Variants in CCSER1 observed in about 807,000 individuals in gnomAD.
The protein encoded by CCSER1 is serine-rich coiled-coil domain-containing protein 1.
A neutral mutation model predicts 82.0 loss-of-function variants in CCSER1; 41 were observed. The ratio of observed to expected loss-of-function variants is 0.50; its 90% CI spans 0.39 to 0.65. The LOEUF (loss-of-function observed/expected upper bound fraction) is 0.65. CCSER1 is among the 30% of genes least tolerant of loss of function. CCSER1 has a pLI of 0.00. For synonymous variants in CCSER1, 414 were observed against 383.9 expected (o/e 1.08, Z -0.92); for missense variants, 1,119 against 1,064.2 (o/e 1.05, Z -0.72).
intron 10 of CCSER1, among the ~76,000 whole-genome samples, chr4:91,165,644 C>T (rs1186739272): frequency 6.6e-6 from 1 of 152,226 alleles, no homozygotes; most frequent in Non-Finnish European, 1.5e-5. Flanking sequence ...ATGGCAGACG[C>T]CCCTCCCCCT....
rs141825960 is a variant in CCSER1 at position 91,295,783 on chromosome 4, G to A, written c.2217+209789G>A. Among the ~76,000 whole-genome samples, 10 of 151,832 alleles carry A rather than the reference G, an allele frequency of 6.6e-5. No homozygotes were observed. The East Asian group carries it at 2.0e-3, about 30-fold the overall frequency. On this transcript the variant is annotated intron_variant, in intron 10 of 10. Coordinates refer to ENST00000509176, the MANE Select transcript of CCSER1 (RefSeq NM_001145065.2). ...ATCACAGTTTTCCTATTTGCTCTTT[G>A]GTGTTACGCATCATACCATGAATCA...
At chr4:90,650,698 C>T (rs1024180354) in intron 6 of CCSER1, among the ~76,000 whole-genome samples, 3 of 152,124 alleles carry the variant, frequency 2.0e-5, no homozygotes, top group African/African-American at 7.2e-5. Flanking sequence ...ATTTTTTACA[C>T]CATCATTTTA....
intron 10 of CCSER1, among the ~76,000 whole-genome samples, chr4:91,418,970 A>C (rs1053354083): frequency 6.6e-6 from 1 of 152,038 alleles, no homozygotes; most frequent in African/African-American, 2.4e-5. Flanking sequence ...AATATATCAC[A>C]TTTACAATAT....
At chr4:90,747,117 AAAAAG>A (rs1242620944) in intron 7 of CCSER1, among the ~76,000 whole-genome samples, 1 of 152,158 alleles carries the variant, frequency 6.6e-6, no homozygotes, top group Admixed American at 6.5e-5. Flanking sequence ...CAGAAAATAA[AAAAAG>A]AAAAGAAAAG....
intron 9 of CCSER1, among the ~76,000 whole-genome samples, chr4:90,956,155 A>G (rs1182092284): frequency 2.0e-5 from 3 of 152,188 alleles, no homozygotes; most frequent in African/African-American, 7.2e-5. Context: ...AAAAACGTGT[A>G]TTGATATTGC....
chr4:90,430,116 CAAAG>C, intron 4 of CCSER1, among the ~76,000 whole-genome samples: 1 of 151,862 alleles, frequency 6.6e-6, no homozygotes, highest in South Asian at 2.1e-4. Context: ...AGTACACTCT[CAAAG>C]AGGCTTTCAA....
At chr4:90,304,389 G>A (rs1733806925) in intron 1 of CCSER1, among the ~76,000 whole-genome samples, 1 of 152,246 alleles carries the variant, frequency 6.6e-6, no homozygotes, top group East Asian at 1.9e-4. Flanking sequence ...CAAAGACTTG[G>A]AACCAACCCA....
chr4:90,805,392 G>A (rs557417166), intron 7 of CCSER1, among the ~76,000 whole-genome samples: 7 of 152,278 alleles, frequency 4.6e-5, no homozygotes, highest in South Asian at 2.1e-4. Context: ...CAGTGGAAGC[G>A]CCATGTGGTT....
At chr4:91,129,365 CT>C (rs1334728391) in intron 10 of CCSER1, among the ~76,000 whole-genome samples, 2 of 152,040 alleles carry the variant, frequency 1.3e-5, no homozygotes, top group East Asian at 3.9e-4. Flanking sequence ...CACCTGATAC[CT>C]GAACAAAATC....
chr4:90,897,145 A>G (rs1723832362), intron 8 of CCSER1, among the ~76,000 whole-genome samples: 1 of 151,828 alleles, frequency 6.6e-6, no homozygotes, highest in Non-Finnish European at 1.5e-5. Flanking sequence ...ATTTTTATTT[A>G]TTATGGATTC....
At chr4:90,496,441 A>T (rs191282903) in intron 5 of CCSER1, among the ~76,000 whole-genome samples, 21 of 152,332 alleles carry the variant, frequency 1.4e-4, no homozygotes, top group African/African-American at 4.8e-4. Flanking sequence ...AAAGTTTATC[A>T]CCAGATTTCC....
At chr4:90,882,437 T>C (rs573467888) in intron 8 of CCSER1, among the ~76,000 whole-genome samples, 2 of 152,224 alleles carry the variant, frequency 1.3e-5, no homozygotes, top group South Asian at 2.1e-4. Context: ...AAGTATTTTA[T>C]ACTGGGCATT....
At chr4:91,469,095 TTATC>T (rs2149441775) in intron 10 of CCSER1, among the ~76,000 whole-genome samples, 1 of 152,320 alleles carries the variant, frequency 6.6e-6, no homozygotes, top group African/African-American at 2.4e-5. Context: ...CGATGCAGAT[TTATC>T]TAATATACCA....
rs111305541 is a variant in CCSER1, at chr4:91,067,555, G to A, written c.2173-18395G>A. 2.9e-3 allele frequency among the ~76,000 whole-genome samples: 442 copies of A among 152,052 alleles called. 2 individuals are homozygous for A. The highest frequency in any genetic ancestry group is 0.01 in the African/African-American group (417 of 41,472). Reference sequence around the variant, plus strand: ...AGGCTGAGTCTCACTATGTTGTCTAGGTTGGTCTCAAACTCCTGGGCTCAA... The same window carrying A: ...AGGCTGAGTCTCACTATGTTGTCTAAGTTGGTCTCAAACTCCTGGGCTCAA... On this transcript the variant is annotated intron_variant, in intron 9 of 10. Coordinates refer to ENST00000509176, the MANE Select transcript of CCSER1 (RefSeq NM_001145065.2).
chr4:90,979,200 T>G (rs900954563), intron 9 of CCSER1, among the ~76,000 whole-genome samples: 1 of 151,352 alleles, frequency 6.6e-6, no homozygotes, highest in Non-Finnish European at 1.5e-5. Flanking sequence ...ATACAAAACA[T>G]TTTAAATATT....
At chr4:91,552,664 CTG>C in intron 10 of CCSER1, among the ~76,000 whole-genome samples, 1 of 151,528 alleles carries the variant, frequency 6.6e-6, no homozygotes. Flanking sequence ...ACAAGGCTGA[CTG>C]TGGATTTAGC....
chr4:91,179,452 G>A lies in CCSER1; in HGVS notation c.2217+93458G>A, dbSNP rs377142041. Among the ~76,000 whole-genome samples, 3 of 152,156 alleles carry A rather than the reference G, an allele frequency of 2.0e-5. No individual in the cohort carries two copies. In the South Asian group the frequency reaches 6.2e-4, roughly 31 times the overall value. ...TTTCAGGTACACCAGTCAGACATAA[G>A]TTTGGTCTTTTCACATAGTCCCATA... On this transcript the variant is annotated intron_variant, in intron 10 of 10. Coordinates refer to ENST00000509176, the MANE Select transcript of CCSER1 (RefSeq NM_001145065.2).
At chr4:91,557,707 A>T (rs1762467813) in intron 10 of CCSER1, among the ~76,000 whole-genome samples, 2 of 151,426 alleles carry the variant, frequency 1.3e-5, no homozygotes, top group Non-Finnish European at 3.0e-5. Flanking sequence ...TGAAGAAAAT[A>T]TAGTTTTTAC....
chr4:90,349,959 T>C (rs563471802), intron 3 of CCSER1, among the ~76,000 whole-genome samples: 118 of 152,220 alleles, frequency 7.8e-4, no homozygotes, highest in Middle Eastern at 6.8e-3. Flanking sequence ...CACTACTCCA[T>C]GTTGTAAAAG....
Sources: gnomAD v4.1 joint callset for allele counts (sites outside exome capture counted in the v4.1 genomes callset) on GRCh38, gnomAD v4.1.1 for gene constraint, MANE v1.5 for transcripts, NCBI Gene and HGNC (gene_info 2026-07-23, HGNC 2026-07-21) for gene names.